The following TAFA1 variants were observed in gnomAD, a reference collection of about 807,000 sequenced individuals.
The protein encoded by TAFA1 is chemokine-like protein TAFA-1.
In TAFA1, 4 loss-of-function variants were observed where a neutral mutation model predicts 18.5. The observed-to-expected ratio is 0.22, with a 90% confidence interval of 0.11 to 0.49. The LOEUF is 0.49. Among genes scored for constraint, TAFA1 ranks in the 20% least tolerant of loss-of-function variants. The pLI, the probability that TAFA1 is intolerant of heterozygous loss-of-function variation, is 0.98. For missense variants in TAFA1, 147 were observed against 169.0 expected, an observed-to-expected ratio of 0.87 and a Z score of 0.72; for synonymous variants, 56 against 55.2, an observed-to-expected ratio of 1.01 and a Z score of -0.06.
At chr3:68,044,812 G>A (rs1049072642) in intron 2 of TAFA1, among the ~76,000 whole-genome samples, 5 of 152,132 alleles carry the variant, frequency 3.3e-5, no homozygotes, top group Non-Finnish European at 7.4e-5. Flanking sequence ...CTTTAAGATG[G>A]GAATGATAAT....
At chr3:68,316,213 T>G (rs1446767986) in intron 2 of TAFA1, among the ~76,000 whole-genome samples, 1 of 152,228 alleles carries the variant, frequency 6.6e-6, no homozygotes, top group Non-Finnish European at 1.5e-5. Flanking sequence ...CATTTTTTAC[T>G]GCCTGAGTTG....
At chr3:68,534,872 A>G (rs189391936) in intron 3 of TAFA1, among the ~76,000 whole-genome samples, 1 of 152,204 alleles carries the variant, frequency 6.6e-6, no homozygotes, top group East Asian at 1.9e-4. Flanking sequence ...AACAGGGCTT[A>G]GAAGGAGGCA....
At chr3:68,421,644 G>A (rs1057494663) in intron 3 of TAFA1, among the ~76,000 whole-genome samples, 3 of 152,056 alleles carry the variant, frequency 2.0e-5, no homozygotes, top group African/African-American at 4.8e-5. Flanking sequence ...AGCTCAGTTT[G>A]CTCATCTGTA....
At chr3:68,267,696 G>T (rs1301112958) in intron 2 of TAFA1, among the ~76,000 whole-genome samples, 1 of 151,856 alleles carries the variant, frequency 6.6e-6, no homozygotes, top group Admixed American at 6.6e-5. Flanking sequence ...AATATTTAAG[G>T]GAATGAAAAG....
chr3:68,184,580 C>G (rs1308321547), intron 2 of TAFA1, among the ~76,000 whole-genome samples: 1 of 152,096 alleles, frequency 6.6e-6, no homozygotes, highest in African/African-American at 2.4e-5. Context: ...TTTGGCATGT[C>G]TCTTCTATCC....
At chr3:68,428,462 CCCTG>C (rs2071100576) in intron 3 of TAFA1, among the ~76,000 whole-genome samples, 1 of 151,836 alleles carries the variant, frequency 6.6e-6, no homozygotes. Flanking sequence ...TAGCCTCCTA[CCCTG>C]CATAGGTGAC....
Position 68,086,183 on chromosome 3 carries a change from A to C in TAFA1, c.118+79439A>C, listed in dbSNP as rs1170616379. 5.9e-5 allele frequency among the ~76,000 whole-genome samples: 9 copies of C among 152,206 alleles called. No individual in the cohort carries two copies. In the South Asian group the frequency reaches 1.2e-3, roughly 21 times the overall value. The stretch of plus-strand genomic sequence containing the variant: ...TCTATGAGGTAAACCACCTAAGGTC[A>C]CTTCCTTTCCTTTCTCAAAGTAGAC... On this transcript the variant is annotated intron_variant, in intron 2 of 4. Transcript: ENST00000478136.
chr3:68,542,893 G>A (rs926676144), intron 4 of TAFA1, among the ~76,000 whole-genome samples: 7 of 152,206 alleles, frequency 4.6e-5, no homozygotes, highest in South Asian at 2.1e-4. Context: ...GACAGAGGAC[G>A]CAATCAGATA....
At chr3:68,348,029 C>G (rs2069195286) in intron 2 of TAFA1, among the ~76,000 whole-genome samples, 1 of 152,086 alleles carries the variant, frequency 6.6e-6, no homozygotes, top group Non-Finnish European at 1.5e-5. Flanking sequence ...TACTAACTCC[C>G]TGATGTTGAT....
intron 3 of TAFA1, among the ~76,000 whole-genome samples, chr3:68,513,243 G>A (rs936288713): frequency 6.6e-6 from 1 of 152,036 alleles, no homozygotes; most frequent in African/African-American, 2.4e-5. Flanking sequence ...GGAGTAGTGA[G>A]TTTGTGCCAA....
chr3:68,288,881 T>C (rs1439441760), intron 2 of TAFA1, among the ~76,000 whole-genome samples: 1 of 152,220 alleles, frequency 6.6e-6, no homozygotes, highest in Non-Finnish European at 1.5e-5. Context: ...AATATGCCTA[T>C]CTTTTCAAAG....
intron 2 of TAFA1, among the ~76,000 whole-genome samples, chr3:68,257,410 C>T (rs111826025): frequency 8.4e-4 from 127 of 150,954 alleles, no homozygotes; most frequent in South Asian, 1.7e-3. Context: ...AGACAGTTAA[C>T]TTTATAAAGC....
At chr3:68,458,384 A>G (rs1481694115) in intron 3 of TAFA1, among the ~76,000 whole-genome samples, 1 of 152,170 alleles carries the variant, frequency 6.6e-6, no homozygotes, top group Non-Finnish European at 1.5e-5. Flanking sequence ...TGCAAGAACT[A>G]ACTAACATAT....
At chr3:68,234,279 A>C (rs971700472) in intron 2 of TAFA1, among the ~76,000 whole-genome samples, 5 of 152,172 alleles carry the variant, frequency 3.3e-5, no homozygotes, top group African/African-American at 1.2e-4. Context: ...TTCGTGGGTG[A>C]TGAGAGAAGT....
chr3:68,429,065 C>G (rs573314740), intron 3 of TAFA1, among the ~76,000 whole-genome samples: 1 of 152,108 alleles, frequency 6.6e-6, no homozygotes, highest in African/African-American at 2.4e-5. Flanking sequence ...AACTGAAATA[C>G]TGATTTCAGC....
At chr3:68,017,886 T>A (rs1347833464) in intron 2 of TAFA1, among the ~76,000 whole-genome samples, 1 of 152,196 alleles carries the variant, frequency 6.6e-6, no homozygotes, top group Non-Finnish European at 1.5e-5. Flanking sequence ...AGGAAGCAAT[T>A]CATTCTGAGC....
intron 2 of TAFA1, among the ~76,000 whole-genome samples, chr3:68,188,362 A>AT (rs1173179056): frequency 5.3e-5 from 8 of 151,336 alleles, no homozygotes; most frequent in South Asian, 2.1e-4. Context: ...AAAATGGATG[A>AT]TTTTCTCTTT....
chr3:68,045,712 G>A (rs1185926566), intron 2 of TAFA1, among the ~76,000 whole-genome samples: 1 of 152,162 alleles, frequency 6.6e-6, no homozygotes. Context: ...TGGGCACTAG[G>A]GAAGGGAGTG....
rs141328974 is a variant in TAFA1 at position 68,253,274 on chromosome 3, G to A, written c.119-164006G>A. Among the ~76,000 whole-genome samples the A allele has an allele frequency of 7.9e-4, 121 of 152,242 alleles. 1 individual carries two copies. Among genetic ancestry groups the A allele is most frequent in the Middle Eastern group, 3.4e-3 (1 of 294 alleles). ...GTTTATAATTCCCACTGTATACCAGGTAAGTTGGTATACTTGTCAAAATGA... is the reference window on the plus strand; with the variant it reads ...GTTTATAATTCCCACTGTATACCAGATAAGTTGGTATACTTGTCAAAATGA... On this transcript the variant is annotated intron_variant, in intron 2 of 4. Coordinates refer to ENST00000478136, the MANE Select transcript of TAFA1 (RefSeq NM_213609.4).
Sources: allele counts gnomAD v4.1 joint callset (sites outside exome capture counted in the v4.1 genomes callset), GRCh38; gene constraint gnomAD v4.1.1; transcripts MANE v1.5; gene names NCBI Gene and HGNC (gene_info 2026-07-23, HGNC 2026-07-21).